Variants in NQO2 observed in about 807,000 individuals in gnomAD.
The protein encoded by NQO2 is ribosyldihydronicotinamide dehydrogenase [quinone].
A neutral mutation model predicts 22.0 loss-of-function variants in NQO2; 18 were observed. The ratio of observed to expected loss-of-function variants is 0.82; its 90% CI spans 0.56 to 1.21. The LOEUF (loss-of-function observed/expected upper bound fraction) is 1.21, where lower values mean the gene tolerates loss of function less well. NQO2 is among the 50% of genes most tolerant of loss of function. The probability of loss-of-function intolerance (pLI) is 0.00; values close to 1 mark genes in which losing one functional copy is unlikely to be tolerated. For synonymous variants in NQO2, 106 were observed against 110.8 expected (o/e 0.96, Z 0.28); for missense variants, 267 against 286.9 (o/e 0.93, Z 0.50).
In NQO2 at chr6:3,012,591, G is replaced by A. The variant is rs373964012; in HGVS notation, c.220G>A (p.Glu74Lys). The A allele has an allele frequency of 1.7e-5, 28 of 1,614,044 alleles. No homozygotes were observed. Among genetic ancestry groups the A allele is most frequent in the Middle Eastern group, 3.3e-4 (2 of 6,084 alleles). Reference sequence around the variant, plus strand: ...TTTCAATTATGGAGTGGAAACCCACGAAGCCTACAAGCAAAGGTCTCTGGC... The same window carrying A: ...TTTCAATTATGGAGTGGAAACCCACAAAGCCTACAAGCAAAGGTCTCTGGC... The part of the protein sequence containing the change: ...EVFNYGVETH[E>K]AYKQRSLASD... The change falls in exon 4 of 7, where the codon GAA becomes AAA. Residue 74 changes from glutamate (E) to lysine (K), a missense_variant. Glu to Lys is a moderately conservative substitution (Grantham distance 56). Coordinates refer to ENST00000380455, the MANE Select transcript of NQO2 (RefSeq NM_000904.6).
chr6:3,009,667 T>G (rs1228979528), intron 2 of NQO2, among the ~76,000 whole-genome samples: 1 of 152,146 alleles, frequency 6.6e-6, no homozygotes, highest in Non-Finnish European at 1.5e-5. Flanking sequence ...CACGAAATCT[T>G]CACAATTTAT....
chr6:3,004,580 C>G, intron 1 of NQO2: 2 of 985,560 alleles, frequency 2.0e-6, no homozygotes, highest in Non-Finnish European at 2.4e-6. Flanking sequence ...TGCCTGTGCT[C>G]CTGGACAGCT....
At chr6:3,014,958 G>C in intron 4 of NQO2, 1 of 359,784 alleles carries the variant, frequency 2.8e-6, no homozygotes, top group South Asian at 1.1e-4. Flanking sequence ...AAGAGACATT[G>C]GCTTCCACCT....
chr6:3,019,222 G>C (rs1210927878), intron 6 of NQO2: 15 of 282,724 alleles, frequency 5.3e-5, no homozygotes, highest in Non-Finnish European at 6.9e-5. Context: ...TGAATCAGTT[G>C]CAAAGATTGT....
intron 6 of NQO2, 170 bp from the exon 7 acceptor site, chr6:3,019,309 G>GA (rs1170894981): frequency 3.1e-6 from 3 of 974,220 alleles, no homozygotes; most frequent in Non-Finnish European, 3.7e-6. Context: ...ATGCAAGGCT[G>GA]TGTCCTAAAG....
At chr6:3,015,460 C>G in intron 4 of NQO2, 70 bp from the exon 5 acceptor site, 1 of 1,564,846 alleles carries the variant, frequency 6.4e-7, no homozygotes, top group South Asian at 1.2e-5. Flanking sequence ...TCCGAATCAC[C>G]AGATAAACTA....
At chr6:3,018,446 AG>A (rs1757415982) in intron 6 of NQO2, among the ~76,000 whole-genome samples, 1 of 152,238 alleles carries the variant, frequency 6.6e-6, no homozygotes, top group Non-Finnish European at 1.5e-5. Flanking sequence ...CGGAGGTTGC[AG>A]TGAGCCAGGA....
chr6:3,010,006 G>A lies in NQO2; in HGVS notation c.8-19G>A, dbSNP rs771724711. 1.9e-6 allele frequency: 3 copies of A among 1,598,466 alleles called. No individual in the cohort carries two copies. In the South Asian group the frequency reaches 3.4e-5, roughly 18 times the overall value. ...GAGAGGTTGTTCTTCAAGAGGAACT[G>A]TTTCTTATCCTGATTTAGGTAAGAA... On this transcript the variant is annotated intron_variant, in intron 2 of 6. Transcript: ENST00000380455.
Position 3,006,855 on chromosome 6 carries a change from C to A in NQO2, c.7+296C>A. The A allele has an allele frequency of 2.3e-6, 1 of 438,624 alleles. No homozygotes were observed. The highest frequency in any genetic ancestry group is 4.0e-6 in the Non-Finnish European group (1 of 249,902). 27.2% of individuals were successfully genotyped at this position (438,624 alleles called of 1,614,324 possible). On this transcript the variant is annotated intron_variant, in intron 2 of 6. Transcript: ENST00000380455. The surrounding 1 kb of genome is among the most constrained non-coding windows in gnomAD (Gnocchi z 4.0). ...AAAAGTGGGGCCCTGCCTATCCTGTCTTTGCTGTGCCTCCAGGCCCTGAAA... is the reference window on the plus strand; with the variant it reads ...AAAAGTGGGGCCCTGCCTATCCTGTATTTGCTGTGCCTCCAGGCCCTGAAA...
At chr6:3,002,656 G>A (rs1459812920) in intron 1 of NQO2, among the ~76,000 whole-genome samples, 1 of 151,786 alleles carries the variant, frequency 6.6e-6, no homozygotes, top group Non-Finnish European at 1.5e-5. Flanking sequence ...AGGGCTTTCT[G>A]TCAGGCTTAG....
At chr6:3,015,010 C>T (rs891688566) in intron 4 of NQO2, 9 of 976,674 alleles carry the variant, frequency 9.2e-6, no homozygotes, top group Non-Finnish European at 1.1e-5. Flanking sequence ...CCTTCCCAGG[C>T]GGTAACACTG....
chr6:3,018,858 T>C (rs12524504), intron 6 of NQO2, among the ~76,000 whole-genome samples: 30,719 of 149,040 alleles, frequency 0.21, 3,278 homozygotes, highest in Non-Finnish European at 0.22. Flanking sequence ...TTTGCAGAAG[T>C]ACATATTATG....
chr6:3,005,092 A>T (rs1756899440), intron 1 of NQO2, among the ~76,000 whole-genome samples: 1 of 151,910 alleles, frequency 6.6e-6, no homozygotes, highest in African/African-American at 2.4e-5. Flanking sequence ...ACGGTGCCTG[A>T]CCTCATTTTA....
intron 5 of NQO2, among the ~76,000 whole-genome samples, chr6:3,016,430 C>CAAA (rs36118697): frequency 3.5e-4 from 30 of 85,698 alleles, no homozygotes; most frequent in Non-Finnish European, 4.3e-4. Context: ...GACTCTGTCT[C>CAAA]AAAAAAAAAA....
chr6:3,005,313 T>C (rs936604551), intron 1 of NQO2, among the ~76,000 whole-genome samples: 14 of 152,154 alleles, frequency 9.2e-5, no homozygotes, highest in African/African-American at 3.4e-4. Flanking sequence ...AATTGTAATT[T>C]TTGGGGGCAC....
rs1443856139 is a variant in NQO2, at chr6:3,018,431, A to G, written c.520-1048A>G. On this transcript the variant is annotated intron_variant, in intron 6 of 6. Coordinates refer to ENST00000380455, the MANE Select transcript of NQO2 (RefSeq NM_000904.6). ...GAGGCAGCAGAATCGCTTGAACCTG[A>G]GAGACGGAGGTTGCAGTGAGCCAGG... 3.3e-5 allele frequency among the ~76,000 whole-genome samples: 5 copies of G among 152,276 alleles called. No individual in the cohort carries two copies. In the East Asian group the frequency reaches 9.6e-4, roughly 29 times the overall value.
intron 4 of NQO2, among the ~76,000 whole-genome samples, chr6:3,013,855 T>TGG (rs1757231076): frequency 6.6e-6 from 1 of 152,212 alleles, no homozygotes; most frequent in African/African-American, 2.4e-5. Flanking sequence ...TCTGGTCACT[T>TGG]GGGCCTCCTG....
Position 3,019,616 on chromosome 6 carries a change from G to A in NQO2, c.657G>A (p.Glu219=). Residue 219 remains glutamate, a synonymous_variant, in exon 7 of 7, where the codon GAG becomes GAA. Coordinates refer to ENST00000380455, the MANE Select transcript of NQO2 (RefSeq NM_000904.6). ...GGCTGCAGACCATCTGGAAGGAAGA[G>A]CCCATCCCCTGCACAGCCCACTGGC... ...SQRLQTIWKE[E]PIPCTAHWHF... is the part of the protein sequence containing the mutation. The A allele has an allele frequency of 6.2e-7, 1 of 1,613,926 alleles. No homozygotes were observed. The highest frequency in any genetic ancestry group is 1.1e-5 in the South Asian group (1 of 91,072).
chr6:3,000,882 G>T (rs1355583014), intron 1 of NQO2, among the ~76,000 whole-genome samples: 1 of 151,032 alleles, frequency 6.6e-6, no homozygotes, highest in Non-Finnish European at 1.5e-5. Flanking sequence ...TCACTCTGTT[G>T]CCCAGGCTGG....
Sources: allele counts gnomAD v4.1 joint callset (sites outside exome capture counted in the v4.1 genomes callset), GRCh38; gene constraint gnomAD v4.1.1; non-coding constraint Gnocchi (gnomAD v3.1); transcripts MANE v1.5; gene names NCBI Gene and HGNC (gene_info 2026-07-23, HGNC 2026-07-21).